Variants in GRIP1 observed in about 807,000 individuals in gnomAD.
The protein encoded by GRIP1 is glutamate receptor interacting protein 1, also known as glutamate receptor-interacting protein 1.
A neutral mutation model predicts 129.9 loss-of-function variants in GRIP1; 45 were observed. The ratio of observed to expected loss-of-function variants is 0.35; its 90% confidence interval spans 0.27 to 0.44. The LOEUF is 0.44. Among genes scored for constraint, GRIP1 ranks in the 20% least tolerant of loss-of-function variants. The pLI is 1.00. For synonymous variants in GRIP1, 530 were observed against 520.8 expected (o/e 1.02, Z -0.24); for missense variants, 1,196 against 1,396.8 (o/e 0.86, Z 2.29).
At chr12:66,429,619 C>A (rs2058086532) in intron 14 of GRIP1, among the ~76,000 whole-genome samples, 1 of 152,048 alleles carries the variant, frequency 6.6e-6, no homozygotes, top group Non-Finnish European at 1.5e-5. Context: ...TCGCTTGAGC[C>A]TAGGAGGTTG....
At chr12:66,709,820 G>A (rs1203810297) in intron 1 of GRIP1, among the ~76,000 whole-genome samples, 1 of 151,942 alleles carries the variant, frequency 6.6e-6, no homozygotes, top group Non-Finnish European at 1.5e-5. Flanking sequence ...AATAAAAGGG[G>A]ATCCGTTTAT....
chr12:66,899,224 T>C (rs2040802830), intron 1 of GRIP1, among the ~76,000 whole-genome samples: 1 of 152,032 alleles, frequency 6.6e-6, no homozygotes, highest in Non-Finnish European at 1.5e-5. Context: ...CAAGTAAGAG[T>C]ACCCAGGTCC....
chr12:66,505,634 A>C (rs1779388657), intron 7 of GRIP1, among the ~76,000 whole-genome samples: 1 of 152,246 alleles, frequency 6.6e-6, no homozygotes, highest in Non-Finnish European at 1.5e-5. Context: ...AGCAACATCT[A>C]TCTAAATATT....
At chr12:66,734,062 G>T (rs752767262) in intron 1 of GRIP1, among the ~76,000 whole-genome samples, 1 of 152,178 alleles carries the variant, frequency 6.6e-6, no homozygotes, top group Non-Finnish European at 1.5e-5. Context: ...AAAGCAGCAG[G>T]AATCAAAGTT....
chr12:66,776,686 CG>C (rs2037991863), intron 1 of GRIP1, among the ~76,000 whole-genome samples: 1 of 152,092 alleles, frequency 6.6e-6, no homozygotes, highest in Admixed American at 6.6e-5. Flanking sequence ...AGAGGAAGAG[CG>C]GGGTAGAATC....
chr12:66,975,640 C>G (rs2137594741), intron 1 of GRIP1, among the ~76,000 whole-genome samples: 1 of 152,246 alleles, frequency 6.6e-6, no homozygotes, highest in South Asian at 2.1e-4. Context: ...AGAGGAGTGT[C>G]AGAAAGTCAA....
intron 1 of GRIP1, among the ~76,000 whole-genome samples, chr12:66,816,245 C>T (rs758378090): frequency 1.4e-4 from 22 of 152,076 alleles, no homozygotes; most frequent in Non-Finnish European, 2.9e-4. Context: ...AATTATTTGT[C>T]TCCCCTCACT....
chr12:66,602,926 G>C (rs1318896878), intron 1 of GRIP1, among the ~76,000 whole-genome samples: 2 of 129,968 alleles, frequency 1.5e-5, no homozygotes, highest in African/African-American at 5.8e-5. Context: ...TGATATGATC[G>C]TGGCTCACTG....
intron 1 of GRIP1, among the ~76,000 whole-genome samples, chr12:66,971,073 A>G (rs1169442947): frequency 6.6e-6 from 1 of 152,136 alleles, no homozygotes; most frequent in Non-Finnish European, 1.5e-5. Context: ...TGCGCCTAGG[A>G]GTTCCACTCT....
chr12:66,839,221 G>T (rs894672879), intron 1 of GRIP1, among the ~76,000 whole-genome samples: 9 of 152,082 alleles, frequency 5.9e-5, no homozygotes, highest in African/African-American at 2.2e-4. Context: ...TTTGGTGTCA[G>T]TAAAAAAATG....
At chr12:67,003,837 T>C (rs530733500) in intron 1 of GRIP1, among the ~76,000 whole-genome samples, 1 of 152,242 alleles carries the variant, frequency 6.6e-6, no homozygotes, top group Non-Finnish European at 1.5e-5. Flanking sequence ...GATGCTACTA[T>C]AATAAGTTAC....
At position 66,716,947 on chromosome 12, in the gene GRIP1, A is replaced by AGG. The variant is rs574166338; in HGVS notation, c.-419-86612_-419-86611insCC. On this transcript the variant is annotated intron_variant, in intron 1 of 4. Coordinates refer to the GRIP1 transcript ENST00000538373. Reference sequence around the variant, plus strand: ...GGTCTCCACTCTTCATCCTTCTCATAACCAAACACAGCCCAGGCAAGAAAT... The same window carrying AGG: ...GGTCTCCACTCTTCATCCTTCTCATAGGACCAAACACAGCCCAGGCAAGAAAT... Among the ~76,000 whole-genome samples, 17 of 152,158 alleles carry AGG rather than the reference A, an allele frequency of 1.1e-4. No individual in the cohort carries two copies. The South Asian group carries it at 3.5e-3, about 32-fold the overall frequency.
intron 1 of GRIP1, among the ~76,000 whole-genome samples, chr12:66,878,240 C>G (rs978126457): frequency 6.6e-6 from 1 of 151,956 alleles, no homozygotes; most frequent in Non-Finnish European, 1.5e-5. Context: ...ACAAATAAAT[C>G]TGAAATAAGG....
intron 1 of GRIP1, among the ~76,000 whole-genome samples, chr12:66,785,432 A>G (rs1401536980): frequency 1.3e-5 from 2 of 149,536 alleles, no homozygotes; most frequent in Non-Finnish European, 3.0e-5. Flanking sequence ...GGATCACTTC[A>G]GCCTGGGGGA....
At chr12:66,488,896 A>T (rs755163392) in intron 7 of GRIP1, among the ~76,000 whole-genome samples, 1 of 152,168 alleles carries the variant, frequency 6.6e-6, no homozygotes, top group East Asian at 1.9e-4. Flanking sequence ...TCCTGGATGC[A>T]TACACCCTAC....
intron 1 of GRIP1, among the ~76,000 whole-genome samples, chr12:66,633,757 C>T (rs1373730918): frequency 6.6e-6 from 1 of 152,170 alleles, no homozygotes; most frequent in Non-Finnish European, 1.5e-5. Context: ...TGTGCTCTTA[C>T]CCCCTCTGCT....
intron 1 of GRIP1, among the ~76,000 whole-genome samples, chr12:66,953,958 A>AC (rs937422882): frequency 2.0e-5 from 3 of 151,188 alleles, no homozygotes; most frequent in African/African-American, 7.3e-5. Context: ...GTGCTTTCCG[A>AC]CCCCCCAAAA....
Position 66,993,100 on chromosome 12 carries a change from C to A in GRIP1, c.58+75950G>T, listed in dbSNP as rs771309378. Among the ~76,000 whole-genome samples, 3 of 139,738 alleles carry A rather than the reference C, an allele frequency of 2.1e-5. No individual in the cohort carries two copies. In the South Asian group the frequency reaches 7.0e-4, roughly 32 times the overall value. 91.7% of individuals were successfully genotyped at this position (139,738 alleles called of 152,430 possible). A position where few individuals can be genotyped will look rare whatever the true frequency, so the allele number is the denominator to read the frequency against. Reference sequence around the variant, plus strand: ...CTGCACTCCAGCCTGGAAAACAGAACAAGACCCTGTCTCAAAAAAAAAAAT... The same window carrying A: ...CTGCACTCCAGCCTGGAAAACAGAAAAAGACCCTGTCTCAAAAAAAAAAAT... On this transcript the variant is annotated intron_variant, in intron 1 of 1. Coordinates refer to the GRIP1 transcript ENST00000643019.
At chr12:66,551,530 T>C (rs542542088) in intron 2 of GRIP1, among the ~76,000 whole-genome samples, 1 of 152,176 alleles carries the variant, frequency 6.6e-6, no homozygotes, top group South Asian at 2.1e-4. Flanking sequence ...GGAAATCATT[T>C]ATTTTTGCAT....
Sources: allele counts gnomAD v4.1 joint callset (sites outside exome capture counted in the v4.1 genomes callset), GRCh38; gene constraint gnomAD v4.1.1; transcripts MANE v1.5; gene names NCBI Gene and HGNC (gene_info 2026-07-23, HGNC 2026-07-21).